FDCSP: variants seen among roughly 807,000 people sequenced by gnomAD.
The protein encoded by FDCSP is follicular dendritic cell secreted protein, also known as follicular dendritic cell secreted peptide.
Under a neutral mutation model 8.9 loss-of-function variants are expected in FDCSP, and 8 were observed. That is an observed-to-expected ratio of 0.90 (90% confidence interval 0.53 to 1.63). The LOEUF is 1.63. FDCSP is among the 40% of genes most tolerant of loss of function. The pLI, the probability that FDCSP is intolerant of heterozygous loss-of-function variation, is 0.00. For synonymous variants in FDCSP, 34 were observed against 34.5 expected (o/e 0.98, Z 0.06); for missense variants, 101 against 103.6 (o/e 0.98, Z 0.11).
At chr4:70,233,120 C>T in intron 3 of FDCSP, 94 bp downstream of exon 3, 3 of 1,097,648 alleles carry the variant, frequency 2.7e-6, no homozygotes, top group South Asian at 1.5e-5. Context: ...ACCTCCCAAA[C>T]TGTGGAGAGA....
chr4:70,232,286 T>C (rs1300777348), intron 2 of FDCSP, among the ~76,000 whole-genome samples: 1 of 151,614 alleles, frequency 6.6e-6, no homozygotes, highest in African/African-American at 2.4e-5. Flanking sequence ...TACAAGTGTA[T>C]AGGTATAAAG....
chr4:70,234,213 C>A lies in FDCSP; in HGVS notation c.*26C>A. On this transcript the variant is annotated splice_region_variant and 3_prime_UTR_variant, in exon 4 of 5. Transcript: ENST00000317987. ...ACAAGAAGGAAAAGTCACGATAAAC[C>A]TGGTAAGTACACATAGTTACAATCA... 1 of 1,592,108 alleles carries A rather than the reference C, an allele frequency of 6.3e-7. No homozygotes were observed.
At chr4:70,228,972 C>T (rs1321541567) in intron 1 of FDCSP, among the ~76,000 whole-genome samples, 9 of 151,722 alleles carry the variant, frequency 5.9e-5, no homozygotes, top group Admixed American at 5.9e-4. Flanking sequence ...ATTTAGGAAA[C>T]CAGCTCTATC....
chr4:70,233,164 G>A, intron 3 of FDCSP, 138 bp downstream of exon 3: 1 of 650,758 alleles, frequency 1.5e-6, no homozygotes. Flanking sequence ...GCACTCAACA[G>A]AGGTTTAGAC....
In FDCSP at chr4:70,227,007, T is replaced by C. The variant is rs371832455; in HGVS notation, c.-1+825T>C. Among the ~76,000 whole-genome samples, 66 of 152,042 alleles carry C rather than the reference T, an allele frequency of 4.3e-4. 2 individuals are homozygous for C. In the South Asian group the frequency reaches 0.013, roughly 31 times the overall value. On this transcript the variant is annotated intron_variant, in intron 1 of 4. Coordinates refer to ENST00000317987, the MANE Select transcript of FDCSP (RefSeq NM_152997.4). The stretch of plus-strand genomic sequence containing the variant: ...ATTTTCTCAACCTGCCTCTTTCTTC[T>C]TCTAAATACTCAAAATATTTTGCAA...
chr4:70,232,872 G>A (rs1448799883), intron 2 of FDCSP, 122 bp from the exon 3 acceptor site: 2 of 843,714 alleles, frequency 2.4e-6, no homozygotes, highest in Non-Finnish European at 3.7e-6. Flanking sequence ...ACAAATTATG[G>A]GTATTTTAAA....
intron 1 of FDCSP, among the ~76,000 whole-genome samples, chr4:70,226,878 G>C (rs576272774): frequency 6.6e-6 from 1 of 151,882 alleles, no homozygotes; most frequent in South Asian, 2.1e-4. Flanking sequence ...CTGTAATGTG[G>C]ATTATTTACT....
At chr4:70,229,207 A>G (rs1363636724) in intron 1 of FDCSP, among the ~76,000 whole-genome samples, 3 of 151,726 alleles carry the variant, frequency 2.0e-5, no homozygotes, top group African/African-American at 7.2e-5. Context: ...GTTATAGCCA[A>G]TCTCTGCTAG....
chr4:70,226,350 A>G (rs1729984420), intron 1 of FDCSP, among the ~76,000 whole-genome samples, 168 bp downstream of exon 1: 1 of 151,900 alleles, frequency 6.6e-6, no homozygotes, highest in African/African-American at 2.4e-5. Context: ...TTAGAAAACC[A>G]TTTTTAGTAT....
chr4:70,234,487 G>A (rs980436580), intron 4 of FDCSP, among the ~76,000 whole-genome samples: 3 of 151,676 alleles, frequency 2.0e-5, no homozygotes, highest in East Asian at 1.9e-4. Flanking sequence ...TGTTTACAAA[G>A]TATTTGTAAC....
At chr4:70,232,886 T>G in intron 2 of FDCSP, 108 bp from the exon 3 acceptor site, 1 of 958,624 alleles carries the variant, frequency 1.0e-6, no homozygotes, top group Non-Finnish European at 1.6e-6. Flanking sequence ...TTTTAAAAAA[T>G]GGTTATTATG....
intron 2 of FDCSP, 36 bp from the exon 3 acceptor site, chr4:70,232,958 G>T: frequency 6.4e-7 from 1 of 1,555,890 alleles, no homozygotes; most frequent in South Asian, 1.2e-5. Flanking sequence ...GTTTTCATGA[G>T]CATGAGTTTA....
intron 4 of FDCSP, among the ~76,000 whole-genome samples, chr4:70,234,634 T>C (rs1318784205): frequency 6.6e-6 from 1 of 151,506 alleles, no homozygotes; most frequent in Non-Finnish European, 1.5e-5. Flanking sequence ...ATTTTTCTAA[T>C]ACTAAAACTC....
At chr4:70,228,064 G>T (rs1199108583) in intron 1 of FDCSP, among the ~76,000 whole-genome samples, 1 of 151,712 alleles carries the variant, frequency 6.6e-6, no homozygotes, top group African/African-American at 2.4e-5. Context: ...TTTCACAAAA[G>T]ATTTCTCTGT....
In FDCSP at chr4:70,231,093, C is replaced by G. The variant is rs909520433; in HGVS notation, c.1-102C>G. ...AGAGCTATTTGTCAAATAATTCGTACTTTAACTGGATCTTTTAAATTCATG... is the reference window on the plus strand; with the variant it reads ...AGAGCTATTTGTCAAATAATTCGTAGTTTAACTGGATCTTTTAAATTCATG... On this transcript the variant is annotated intron_variant, in intron 1 of 4. Transcript: ENST00000317987. 6 of 890,160 alleles carry G rather than the reference C, an allele frequency of 6.7e-6. No homozygotes were observed. The South Asian group carries it at 9.2e-5, about 14-fold the overall frequency. 55.1% of individuals were successfully genotyped at this position (890,160 alleles called of 1,614,324 possible).
Position 70,226,399 on chromosome 4 carries a change from G to T in FDCSP, c.-1+217G>T, listed in dbSNP as rs1578246748. On this transcript the variant is annotated intron_variant, in intron 1 of 4. Transcript: ENST00000317987. ...CTTTTTTTAAAATCACCACCCTGCT[G>T]TAGTAAATATTTATTTTAGAGTGAC... Among the ~76,000 whole-genome samples, 13 of 151,842 alleles carry T rather than the reference G, an allele frequency of 8.6e-5. 1 individual carries two copies. The South Asian group carries it at 2.7e-3, about 31-fold the overall frequency.
chr4:70,232,853 C>T (rs886236688), intron 2 of FDCSP, 141 bp from the exon 3 acceptor site: 3 of 746,746 alleles, frequency 4.0e-6, no homozygotes, highest in South Asian at 1.8e-5. Context: ...ATCATTTCTA[C>T]ATTTCTAGAC....
At chr4:70,233,558 A>C (rs574211272) in intron 3 of FDCSP, among the ~76,000 whole-genome samples, 2 of 151,808 alleles carry the variant, frequency 1.3e-5, no homozygotes, top group South Asian at 4.2e-4. Context: ...GGAAAGCATG[A>C]TTTTATCGCA....
chr4:70,234,552 G>A (rs1354780743), intron 4 of FDCSP, among the ~76,000 whole-genome samples: 1 of 151,620 alleles, frequency 6.6e-6, no homozygotes, highest in Non-Finnish European at 1.5e-5. Context: ...TAACCAAGGT[G>A]GAGATCATAG....
Sources: gnomAD v4.1 joint callset for allele counts (sites outside exome capture counted in the v4.1 genomes callset) on GRCh38, gnomAD v4.1.1 for gene constraint, MANE v1.5 for transcripts, NCBI Gene and HGNC (gene_info 2026-07-23, HGNC 2026-07-21) for gene names.